NLRP7: variants seen among roughly 807,000 people sequenced by gnomAD.
The protein encoded by NLRP7 is NLR family pyrin domain containing 7.
A neutral mutation model predicts 85.5 loss-of-function variants in NLRP7; 72 were observed. The ratio of observed to expected loss-of-function variants is 0.84; its 90% CI spans 0.70 to 1.02. The LOEUF is 1.02. Ranked by LOEUF, NLRP7 falls within the 50% of genes least tolerant of loss-of-function variation. NLRP7 has a pLI of 0.00. For missense variants in NLRP7, 1,243 were observed against 1,219.5 expected (o/e 1.02, Z -0.29); for synonymous variants, 550 against 505.2 (o/e 1.09, Z -1.19).
chr19:54,937,110 C>T (rs991157477), intron 5 of NLRP7, among the ~76,000 whole-genome samples: 9 of 149,242 alleles, frequency 6.0e-5, no homozygotes, highest in African/African-American at 2.5e-5. Context: ...CCCAGCTACT[C>T]GGGAGGCTGA....
intron 1 of NLRP7, among the ~76,000 whole-genome samples, chr19:54,944,317 C>T (rs1371558091): frequency 2.0e-5 from 3 of 151,826 alleles, no homozygotes; most frequent in Non-Finnish European, 2.9e-5. Context: ...GGAGGTGACA[C>T]ATGCTGGCAG....
At chr19:54,923,959 G>A in intron 9 of NLRP7, 87 bp from the exon 11 acceptor site, 1 of 1,452,804 alleles carries the variant, frequency 6.9e-7, no homozygotes, top group Non-Finnish European at 9.6e-7. Context: ...AACACTCAAA[G>A]CAGGAAACGT....
exon 10 of NLRP7, chr19:54,923,687 T>G (rs2068312080): frequency 6.2e-7 from 1 of 1,606,164 alleles, no homozygotes; most frequent in Non-Finnish European, 8.5e-7. Flanking sequence ...ATAAGACATC[T>G]TAGAGACCCG....
chr19:54,950,373 T>C (rs540719784), upstream of NLRP7, among the ~76,000 whole-genome samples: 10 of 152,234 alleles, frequency 6.6e-5, 1 homozygote, highest in South Asian at 2.1e-3. Flanking sequence ...AGACAAAGTA[T>C]AGAGAAAGAA....
intron 5 of NLRP7, 55 bp from the exon 6 acceptor site, chr19:54,936,486 G>A: frequency 7.0e-7 from 1 of 1,429,676 alleles, no homozygotes. Context: ...ACATTGTGTG[G>A]AGGCATGTAT....
chr19:54,926,717 A>G (rs1257267024), intron 9 of NLRP7, among the ~76,000 whole-genome samples: 1 of 152,000 alleles, frequency 6.6e-6, no homozygotes, highest in Non-Finnish European at 1.5e-5. Flanking sequence ...GGAGCTCGAG[A>G]CCAGCCTGGC....
At chr19:54,936,490 C>T (rs929641879) in intron 5 of NLRP7, 59 bp from the exon 6 acceptor site, 3 of 1,377,060 alleles carry the variant, frequency 2.2e-6, no homozygotes, top group Non-Finnish European at 3.1e-6. Context: ...TGTGTGGAGG[C>T]ATGTATAAAC....
intron 9 of NLRP7, among the ~76,000 whole-genome samples, chr19:54,925,663 AAAGAC>A (rs1483524040): frequency 6.6e-6 from 1 of 152,154 alleles, no homozygotes; most frequent in Non-Finnish European, 1.5e-5. Flanking sequence ...TCAGAAAAGA[AAAGAC>A]AAAGGCAAGA....
exon 4 of NLRP7, chr19:54,940,459 C>A (rs757284695): frequency 1.2e-6 from 2 of 1,613,846 alleles, no homozygotes; most frequent in South Asian, 2.2e-5. Flanking sequence ...TCCATCCTTC[C>A]TTTTCACCTG....
chr19:54,923,947 C>A (rs1263628885), intron 9 of NLRP7, 75 bp from the exon 11 acceptor site: 9 of 1,499,644 alleles, frequency 6.0e-6, no homozygotes, highest in Non-Finnish European at 8.3e-6. Flanking sequence ...TATCTGTTTT[C>A]AAACACTCAA....
At chr19:54,961,964 G>A (rs745412555) in intron 1 of NLRP7, among the ~76,000 whole-genome samples, 1 of 151,326 alleles carries the variant, frequency 6.6e-6, no homozygotes, top group African/African-American at 2.4e-5. Context: ...TTCAAGAACA[G>A]CCTGGCCAAA....
At chr19:54,942,255 C>CAA (rs576434793) in intron 1 of NLRP7, among the ~76,000 whole-genome samples, 1,213 of 59,338 alleles carry the variant, frequency 0.02, 102 homozygotes, top group Non-Finnish European at 0.026. Context: ...GACTCCGTCT[C>CAA]AAAAAAAAAA....
chr19:54,939,593 C>T, exon 4 of NLRP7: 4 of 1,611,130 alleles, frequency 2.5e-6, no homozygotes, highest in South Asian at 1.1e-5. Context: ...CAGCGCGCCC[C>T]GCAGCTGTGC....
At chr19:54,939,916 C>T (rs1412126636) in exon 4 of NLRP7, 4 of 1,614,024 alleles carry the variant, frequency 2.5e-6, no homozygotes, top group African/African-American at 2.7e-5. Context: ...CCCTGGGCCG[C>T]GTGGTGACCA....
chr19:54,939,977 A>G, exon 4 of NLRP7: 1 of 1,614,068 alleles, frequency 6.2e-7, no homozygotes, highest in Non-Finnish European at 8.5e-7. Flanking sequence ...CCCCAGGAGG[A>G]CGGGCACCGG....
Position 54,940,054 on chromosome 19 carries a change from A to T in NLRP7, c.765T>A (p.Leu255=), listed in dbSNP as rs761965958. 5.0e-6 allele frequency: 8 copies of T among 1,614,054 alleles called. No homozygotes were observed. The African/African-American group carries it at 6.7e-5, about 13-fold the overall frequency. The change falls in exon 4 of 10, where the codon CTT becomes CTA. Residue 255 remains leucine, a synonymous_variant. Transcript: ENST00000340844. ...CCCCAGGTGGGACTTTCAGCTCATC[A>T]AGGCCATCGACCACGAACAGGATTC...
At position 54,939,834 on chromosome 19, in the gene NLRP7, T is replaced by C. The variant is rs104895511; in HGVS notation, c.985A>G (p.Arg329Gly). 4.3e-6 allele frequency: 7 copies of C among 1,614,006 alleles called. No individual in the cohort carries two copies. In the South Asian group the frequency reaches 5.5e-5, roughly 13 times the overall value. Residue 329 changes from arginine to glycine, a missense_variant, in exon 4 of 10, where the codon AGG (arginine) becomes GGG (glycine). Coordinates refer to ENST00000340844, the Ensembl canonical transcript of NLRP7. ...AAGTGTCTCAGGAAATAGGCCCTCC[T>C]GTCCTCCTCCAGGAAGCCCTCCACC...
At chr19:54,942,180 CG>C (rs2069259058) in intron 1 of NLRP7, among the ~76,000 whole-genome samples, 1 of 133,454 alleles carries the variant, frequency 7.5e-6, no homozygotes, top group African/African-American at 2.8e-5. Context: ...GGTGTGAACC[CG>C]GGAAGTGGAG....
At chr19:54,924,719 T>A (rs909621451) in intron 9 of NLRP7, among the ~76,000 whole-genome samples, 3 of 152,156 alleles carry the variant, frequency 2.0e-5, no homozygotes, top group Non-Finnish European at 2.9e-5. Context: ...GCAGATCACC[T>A]GAGGTCAGGA....
Sources: allele counts gnomAD v4.1 joint callset (sites outside exome capture counted in the v4.1 genomes callset), GRCh38; gene constraint gnomAD v4.1.1; transcripts MANE v1.5; gene names NCBI Gene and HGNC (gene_info 2026-07-23, HGNC 2026-07-21).